Variants in MSRA observed in about 807,000 individuals in gnomAD.
MSRA encodes mitochondrial peptide methionine sulfoxide reductase.
A neutral mutation model predicts 31.3 loss-of-function variants in MSRA; 54 were observed. That is an observed-to-expected ratio of 1.73 (90% CI 1.39 to 2.17). The LOEUF is 2.17. Among genes scored for constraint, MSRA ranks in the 30% most tolerant of loss-of-function variants. The pLI, the probability that MSRA is intolerant of heterozygous loss-of-function variation, is 0.00. For synonymous variants in MSRA, 169 were observed against 116.5 expected (o/e 1.45, Z -2.90); for missense variants, 507 against 300.9 (o/e 1.69, Z -5.07).
intron 2 of MSRA, among the ~76,000 whole-genome samples, chr8:10,218,073 G>C (rs1031737160): frequency 1.2e-4 from 18 of 151,700 alleles, no homozygotes; most frequent in African/African-American, 4.1e-4. Context: ...GTAAGTGGTG[G>C]TGTGTTTCAT....
Position 10,177,571 on chromosome 8 carries a change from C to G in MSRA, c.143-30262C>G, listed in dbSNP as rs150861646. Among the ~76,000 whole-genome samples the G allele has an allele frequency of 6.5e-3, 993 of 152,276 alleles. 10 individuals are homozygous for G. The highest frequency in any genetic ancestry group is 0.012 in the Non-Finnish European group (787 of 68,022). ...CTGATGGCTATAGAAGTCACTGTTT[C>G]ATATGCTATATCAGAATTGACTTAA... On this transcript the variant is annotated intron_variant, in intron 1 of 5. Coordinates refer to ENST00000317173, the MANE Select transcript of MSRA (RefSeq NM_012331.5).
chr8:10,070,716 C>A (rs1397761986), intron 1 of MSRA, among the ~76,000 whole-genome samples: 2 of 152,200 alleles, frequency 1.3e-5, no homozygotes, highest in African/African-American at 4.8e-5. Flanking sequence ...GCTGTTATTT[C>A]ATCATTTCAA....
chr8:10,304,660 A>C (rs1421214996), intron 4 of MSRA, among the ~76,000 whole-genome samples: 1 of 152,156 alleles, frequency 6.6e-6, no homozygotes, highest in Non-Finnish European at 1.5e-5. Context: ...TCACTCACTC[A>C]CCACATCTGA....
intron 5 of MSRA, among the ~76,000 whole-genome samples, chr8:10,425,450 G>T (rs1809093274): frequency 6.6e-6 from 1 of 152,256 alleles, no homozygotes; most frequent in Admixed American, 6.5e-5. Context: ...GGGAGGAGGA[G>T]GAGGGGAGGT....
intron 1 of MSRA, among the ~76,000 whole-genome samples, 170 bp downstream of exon 1, chr8:10,054,828 C>T (rs546970710): frequency 1.3e-5 from 2 of 152,206 alleles, no homozygotes; most frequent in Non-Finnish European, 2.9e-5. Context: ...CGGGGAGACG[C>T]TGGGGTCCAC....
intron 1 of MSRA, among the ~76,000 whole-genome samples, chr8:10,154,417 G>A (rs989818891): frequency 2.0e-5 from 3 of 150,546 alleles, no homozygotes; most frequent in Non-Finnish European, 4.4e-5. Flanking sequence ...TTGCTCTGTC[G>A]CCCAGGCTGG....
chr8:10,293,304 T>C (rs1447761918), intron 3 of MSRA, among the ~76,000 whole-genome samples: 1 of 152,178 alleles, frequency 6.6e-6, no homozygotes, highest in Non-Finnish European at 1.5e-5. Context: ...TGAGCCACTT[T>C]GTGGCTTTGC....
chr8:10,398,123 A>G (rs977478221), intron 5 of MSRA, among the ~76,000 whole-genome samples: 3 of 152,256 alleles, frequency 2.0e-5, no homozygotes, highest in African/African-American at 7.2e-5. Flanking sequence ...TTGACTAATT[A>G]CAATGGTAAC....
chr8:10,118,260 T>TA (rs1384323188), intron 1 of MSRA, among the ~76,000 whole-genome samples: 2 of 152,188 alleles, frequency 1.3e-5, no homozygotes, highest in Non-Finnish European at 2.9e-5. Flanking sequence ...AGAGACTTGA[T>TA]AATAATGACT....
chr8:10,110,624 C>T (rs1290452945), intron 1 of MSRA, among the ~76,000 whole-genome samples: 1 of 152,224 alleles, frequency 6.6e-6, no homozygotes, highest in African/African-American at 2.4e-5. Context: ...TAGAAAATCA[C>T]TTCTCTGATC....
intron 1 of MSRA, among the ~76,000 whole-genome samples, chr8:10,185,425 G>A (rs1271920518): frequency 2.6e-5 from 4 of 152,184 alleles, no homozygotes; most frequent in Non-Finnish European, 5.9e-5. Flanking sequence ...TGATGAGTGG[G>A]TGGGGTAAGA....
intron 1 of MSRA, among the ~76,000 whole-genome samples, chr8:10,167,229 T>C (rs1805218133): frequency 6.6e-6 from 1 of 152,214 alleles, no homozygotes; most frequent in Admixed American, 6.5e-5. Context: ...GTTCTGCATG[T>C]TCTGATGTCA....
chr8:10,079,946 C>T (rs1798201591), intron 1 of MSRA, among the ~76,000 whole-genome samples: 2 of 152,074 alleles, frequency 1.3e-5, no homozygotes, highest in South Asian at 4.2e-4. Context: ...CTCTTTTTTC[C>T]TCCTGACCTG....
chr8:10,272,721 G>A (rs1304846889), intron 3 of MSRA, among the ~76,000 whole-genome samples: 2 of 152,112 alleles, frequency 1.3e-5, no homozygotes, highest in Non-Finnish European at 2.9e-5. Flanking sequence ...TCCAAATGTC[G>A]ATACTATGTA....
At chr8:10,199,866 C>A (rs17692043) in intron 1 of MSRA, among the ~76,000 whole-genome samples, 3,223 of 152,166 alleles carry the variant, frequency 0.021, 49 homozygotes, top group Non-Finnish European at 0.033. Flanking sequence ...TTTATCTTTG[C>A]CCCACAACAC....
chr8:10,174,044 A>G (rs991636773), intron 1 of MSRA, among the ~76,000 whole-genome samples: 13 of 151,610 alleles, frequency 8.6e-5, no homozygotes, highest in Admixed American at 6.6e-5. Context: ...CTAGCTTGGA[A>G]CTCTGGCTGA....
intron 4 of MSRA, among the ~76,000 whole-genome samples, chr8:10,310,406 C>T (rs999904187): frequency 5.9e-5 from 9 of 152,330 alleles, no homozygotes; most frequent in Middle Eastern, 3.4e-3. Flanking sequence ...CATTATCATA[C>T]GTGTTCATAG....
intron 3 of MSRA, among the ~76,000 whole-genome samples, chr8:10,283,057 C>G (rs1009188193): frequency 3.3e-5 from 5 of 151,428 alleles, no homozygotes; most frequent in East Asian, 3.9e-4. Flanking sequence ...AAACCTGGTC[C>G]AAAAGACTTT....
chr8:10,109,170 C>T (rs1473237265), intron 1 of MSRA, among the ~76,000 whole-genome samples: 10 of 152,096 alleles, frequency 6.6e-5, no homozygotes, highest in Non-Finnish European at 4.4e-5. Context: ...GCATATAGTG[C>T]CTGCCTTTAA....
Sources: allele counts gnomAD v4.1 joint callset (sites outside exome capture counted in the v4.1 genomes callset), GRCh38; gene constraint gnomAD v4.1.1; transcripts MANE v1.5; gene names NCBI Gene and HGNC (gene_info 2026-07-23, HGNC 2026-07-21).